TTC16: variants seen among roughly 807,000 people sequenced by gnomAD.
TTC16 encodes the protein tetratricopeptide repeat protein 16.
Under a neutral mutation model 80.4 loss-of-function variants are expected in TTC16, and 66 were observed. That is an observed-to-expected ratio of 0.82 (90% CI 0.67 to 1.01). TTC16 has a LOEUF of 1.01. TTC16 is among the 50% of genes least tolerant of loss of function. The probability of loss-of-function intolerance (pLI) is 0.00; values close to 1 mark genes in which losing one functional copy is unlikely to be tolerated. For missense variants in TTC16, 1,070 were observed against 1,103.2 expected, an observed-to-expected ratio of 0.97 and a Z score of 0.43; for synonymous variants, 438 against 451.3, an observed-to-expected ratio of 0.97 and a Z score of 0.37.
intron 4 of TTC16, 136 bp downstream of exon 4, chr9:127,717,908 A>C: frequency 8.6e-7 from 1 of 1,156,760 alleles, no homozygotes; most frequent in Non-Finnish European, 1.2e-6. Flanking sequence ...TGCCCCTCTC[A>C]CCTCCAAGGC....
chr9:127,718,379 C>T lies in TTC16; in HGVS notation c.426+607C>T, dbSNP rs954241138. On this transcript the variant is annotated intron_variant, in intron 4 of 13. Coordinates refer to ENST00000373289, the MANE Select transcript of TTC16 (RefSeq NM_144965.3). This position sits in a 1 kb window ranked among gnomAD's most constrained non-coding sequence, Gnocchi z 4.6. ...CTAGGATTACAGATGTGAGCCACTG[C>T]GCCCGGCCTCTTATTTTTATTTTAA... Among the ~76,000 whole-genome samples, 8 of 152,228 alleles carry T rather than the reference C, an allele frequency of 5.3e-5. No individual in the cohort carries two copies. The South Asian group carries it at 8.3e-4, about 16-fold the overall frequency.
chr9:127,724,056 C>T (rs1481763288), intron 7 of TTC16, 64 bp from the exon 8 acceptor site: 5 of 1,469,544 alleles, frequency 3.4e-6, no homozygotes, highest in Middle Eastern at 2.4e-4. Context: ...TGGCCACTAG[C>T]CAGTCGGTGG....
chr9:127,724,429 C>T (rs1843749423), intron 8 of TTC16, 65 bp downstream of exon 8: 1 of 1,585,542 alleles, frequency 6.3e-7, no homozygotes, highest in Non-Finnish European at 8.6e-7. Context: ...CTAAGGCCCC[C>T]ACTGGGCACT....
chr9:127,724,938 G>T, intron 9 of TTC16, 41 bp downstream of exon 9: 1 of 1,454,544 alleles, frequency 6.9e-7, no homozygotes. Flanking sequence ...GGGCAGGCCC[G>T]AGGGCAGGGC....
intron 12 of TTC16, 131 bp from the exon 13 acceptor site, chr9:127,729,450 A>C: frequency 1.4e-6 from 1 of 718,582 alleles, no homozygotes; most frequent in Non-Finnish European, 2.4e-6. Flanking sequence ...ACCCCACTCT[A>C]ACCTGGCACC....
chr9:127,720,431 A>T (rs1399530203), intron 6 of TTC16, 36 bp downstream of exon 6: 2 of 1,609,200 alleles, frequency 1.2e-6, no homozygotes, highest in East Asian at 2.2e-5. Flanking sequence ...CATGCCCCCC[A>T]ACCTGGGAGT....
Position 127,730,897 on chromosome 9 carries a change from G to A in TTC16, c.2114G>A (p.Arg705Lys). 6.2e-7 allele frequency: 1 copy of A among 1,613,022 alleles called. No homozygotes were observed. The highest frequency in any genetic ancestry group is 8.5e-7 in the Non-Finnish European group (1 of 1,179,860). Residue 705 changes from arginine (R) to lysine (K), a missense_variant, in exon 14 of 14, where the codon AGG (arginine) becomes AAG (lysine). Physicochemically the swap from Arg to Lys is conservative, Grantham distance 26 (BLOSUM62 2). Coordinates refer to ENST00000373289, the MANE Select transcript of TTC16 (RefSeq NM_144965.3). ...SSKTKATIHKRNSSKTKATQS... is the reference protein window; with the variant it reads ...SSKTKATIHKKNSSKTKATQS... The stretch of plus-strand genomic sequence containing the variant: ...AAGACCAAGGCCACTATACACAAGA[G>A]GAACTCCAGCAAGACCAAGGCCACC...
chr9:127,719,865 T>C (rs941581114), intron 4 of TTC16, among the ~76,000 whole-genome samples: 2 of 152,008 alleles, frequency 1.3e-5, no homozygotes, highest in Admixed American at 1.3e-4. Context: ...TTGCCAAGCG[T>C]GCATCTCTTA....
intron 10 of TTC16, 110 bp from the exon 11 acceptor site, chr9:127,726,860 C>T: frequency 8.7e-7 from 1 of 1,147,428 alleles, no homozygotes; most frequent in Non-Finnish European, 1.2e-6. Flanking sequence ...ACTCTTCCTT[C>T]TTCAGCCCTG....
At position 127,723,116 on chromosome 9, in the gene TTC16, C is replaced by A. The variant is rs955278988; in HGVS notation, c.658-3C>A. The A allele has an allele frequency of 4.3e-6, 7 of 1,609,606 alleles. No individual in the cohort carries two copies. The highest frequency in any genetic ancestry group is 5.1e-6 in the Non-Finnish European group (6 of 1,179,522). ...CCCTGATGCCACCCATGGCCTCCTG[C>A]AGCCCCACCTCTGCTACCGGGACCT... On this transcript the variant is annotated splice_polypyrimidine_tract_variant and splice_region_variant and intron_variant, in intron 6 of 13. Transcript: ENST00000373289.
In TTC16 at chr9:127,725,226, A is replaced by T. The variant is rs576768133; in HGVS notation, c.1259+329A>T. 3.9e-5 allele frequency among the ~76,000 whole-genome samples: 6 copies of T among 152,086 alleles called. No homozygotes were observed. In the East Asian group the frequency reaches 1.2e-3, roughly 30 times the overall value. On this transcript the variant is annotated intron_variant, in intron 9 of 13. Coordinates refer to ENST00000373289, the MANE Select transcript of TTC16 (RefSeq NM_144965.3). ...GAGGCGGAGCTGGCAGTTAGCCAGGATTGCGCCACTGCACTCCAGCCTGAG... is the reference window on the plus strand; with the variant it reads ...GAGGCGGAGCTGGCAGTTAGCCAGGTTTGCGCCACTGCACTCCAGCCTGAG...
chr9:127,716,800 G>A (rs1194187635), intron 1 of TTC16, 44 bp from the exon 2 acceptor site: 2 of 1,573,514 alleles, frequency 1.3e-6, no homozygotes, highest in Admixed American at 1.8e-5. Context: ...GTGGGTGGGG[G>A]TCGTCTCGGG....
Position 127,724,275 on chromosome 9 carries a change from G to A in TTC16, c.1028G>A (p.Arg343Lys). 6.2e-7 allele frequency: 1 copy of A among 1,612,982 alleles called. No individual in the cohort carries two copies. The highest frequency in any genetic ancestry group is 8.5e-7 in the Non-Finnish European group (1 of 1,180,026). The change falls in exon 8 of 14, where the codon AGG (arginine) becomes AAG (lysine). Residue 343 changes from arginine (R) to lysine (K), a missense_variant. By Grantham distance (26) the Arg-to-Lys change is conservative (BLOSUM62 2). Coordinates refer to ENST00000373289, the MANE Select transcript of TTC16 (RefSeq NM_144965.3). ...AACGACTTTGCCGTGCACTGCTACAGGCAGGGCGCCTACCAGGAGGGCGTG... is the reference window on the plus strand; with the variant it reads ...AACGACTTTGCCGTGCACTGCTACAAGCAGGGCGCCTACCAGGAGGGCGTG... ...TYNDFAVHCYRQGAYQEGVLL... is the reference protein window; with the variant it reads ...TYNDFAVHCYKQGAYQEGVLL...
At position 127,718,340 on chromosome 9, in the gene TTC16, G is replaced by A. The variant is rs745807721; in HGVS notation, c.426+568G>A. 6.6e-6 allele frequency among the ~76,000 whole-genome samples: 1 copy of A among 151,978 alleles called. No homozygotes were observed. The highest frequency in any genetic ancestry group is 2.4e-5 in the African/African-American group (1 of 41,374). ...TGGGCTCAGGCAATCCACCCACCTCGGCCTCCCAACGTGCTAGGATTACAG... is the reference window on the plus strand; with the variant it reads ...TGGGCTCAGGCAATCCACCCACCTCAGCCTCCCAACGTGCTAGGATTACAG... On this transcript the variant is annotated intron_variant, in intron 4 of 13. Coordinates refer to ENST00000373289, the MANE Select transcript of TTC16 (RefSeq NM_144965.3). The surrounding 1 kb of genome is among the most constrained non-coding windows in gnomAD (Gnocchi z 4.6).
rs764120961 is a variant in TTC16 at position 127,726,315 on chromosome 9, C to T, written c.1336C>T (p.Arg446Trp). Residue 446 changes from arginine (R) to tryptophan (W), a missense_variant, in exon 10 of 14, where the codon CGG becomes TGG. Transcript: ENST00000373289. ...CCAGAAGGCCCAGTACTACCTGTAC[C>T]GGGCCAAGAGCCGGCAGCTGCTGCA... Reference protein sequence around the residue: ...NPQKAQYYLYRAKSRQLLQNI... With the variant: ...NPQKAQYYLYWAKSRQLLQNI... The T allele has an allele frequency of 5.6e-6, 9 of 1,611,980 alleles. No homozygotes were observed. The highest frequency in any genetic ancestry group is 5.5e-5 in the South Asian group (5 of 90,994).
intron 7 of TTC16, among the ~76,000 whole-genome samples, chr9:127,723,774 A>C (rs748971227): frequency 6.6e-6 from 1 of 152,206 alleles, no homozygotes; most frequent in South Asian, 2.1e-4. Context: ...ATTCAGTGAC[A>C]TGAGAGGCCA....
In TTC16 at chr9:127,723,795, G is replaced by A. The variant is rs1208587068; in HGVS notation, c.873-325G>A. On this transcript the variant is annotated intron_variant, in intron 7 of 13. Coordinates refer to ENST00000373289, the MANE Select transcript of TTC16 (RefSeq NM_144965.3). ...TGACATGAGAGGCCACTGTGATTTC[G>A]GGCCAATTAACCTATCCAAACAGTG... Among the ~76,000 whole-genome samples the A allele has an allele frequency of 2.0e-5, 3 of 152,140 alleles. 1 individual carries two copies. The South Asian group carries it at 6.2e-4, about 31-fold the overall frequency.
chr9:127,720,814 CTTTCTTCCCTCCTGCCTTCCCTCCT>C (rs1186193242), intron 6 of TTC16, among the ~76,000 whole-genome samples: 2 of 129,234 alleles, frequency 1.5e-5, no homozygotes, highest in African/African-American at 6.2e-5. Context: ...CTCCCTCCTT[CTTTCTTCCCTCCTGCCTTCCCTCCT>C]CCCTTCCTCC....
chr9:127,720,415 C>T lies in TTC16; in HGVS notation c.657+20C>T. The T allele has an allele frequency of 6.5e-7, 1 of 1,539,046 alleles. No individual in the cohort carries two copies. Among genetic ancestry groups the T allele is most frequent in the African/African-American group, 1.4e-5 (1 of 72,904 alleles). On this transcript the variant is annotated intron_variant, in intron 6 of 13. Coordinates refer to ENST00000373289, the MANE Select transcript of TTC16 (RefSeq NM_144965.3). ...CAGAAGGTACAGTGGGGAGGGCGGG[C>T]AGGGGCATGCCCCCCAACCTGGGAG...
Sources: gnomAD v4.1 joint callset for allele counts (sites outside exome capture counted in the v4.1 genomes callset) on GRCh38, gnomAD v4.1.1 for gene constraint, Gnocchi (gnomAD v3.1) non-coding constraint, MANE v1.5 for transcripts, NCBI Gene and HGNC (gene_info 2026-07-23, HGNC 2026-07-21) for gene names.